EWSR1: variants seen among roughly 807,000 people sequenced by gnomAD.
EWSR1 encodes EWS RNA binding protein 1.
A neutral mutation model predicts 92.1 loss-of-function variants in EWSR1; 14 were observed. That is an observed-to-expected ratio of 0.15 (90% confidence interval 0.10 to 0.24). The LOEUF (loss-of-function observed/expected upper bound fraction) is 0.24. Among genes scored for constraint, EWSR1 ranks in the 10% least tolerant of loss-of-function variants. EWSR1 has a pLI of 1.00. For synonymous variants in EWSR1, 303 were observed against 292.9 expected, an observed-to-expected ratio of 1.03 and a Z score of -0.35; for missense variants, 637 against 870.9, an observed-to-expected ratio of 0.73 and a Z score of 3.38.
At chr22:29,275,585 TGTGAACAAAACTTA>T (rs1212651982) in intron 4 of EWSR1, 4 of 228,564 alleles carry the variant, frequency 1.8e-5, no homozygotes, top group African/African-American at 8.9e-5. Context: ...GAGCAAACTG[TGTGAACAAAACTTA>T]GCAGGAGCCT....
intron 16 of EWSR1, 82 bp from the exon 17 acceptor site, chr22:29,300,030 ATTGGGAGGAG>A: frequency 7.0e-6 from 3 of 429,388 alleles, no homozygotes; most frequent in East Asian, 2.1e-4. Flanking sequence ...ATTCTAACCG[ATTGGGAGGAG>A]CCAGGAAGGG....
At chr22:29,277,962 CT>C in intron 4 of EWSR1, 67 bp from the exon 5 acceptor site, 1 of 1,392,468 alleles carries the variant, frequency 7.2e-7, no homozygotes, top group South Asian at 1.3e-5. Flanking sequence ...ACAAATTGTT[CT>C]GATAATGAGT....
chr22:29,275,833 G>A (rs1468907648), intron 4 of EWSR1: 1 of 231,260 alleles, frequency 4.3e-6, no homozygotes, highest in Non-Finnish European at 8.5e-6. Context: ...CAAAAGTTTT[G>A]GTTTGTGTAA....
At chr22:29,293,921 C>T (rs377039606) in intron 11 of EWSR1, among the ~76,000 whole-genome samples, 7 of 151,860 alleles carry the variant, frequency 4.6e-5, no homozygotes, top group African/African-American at 7.3e-5. Context: ...CTCCTTCACC[C>T]GGCTGGATTG....
chr22:29,298,199 A>G (rs755312887), intron 13 of EWSR1, among the ~76,000 whole-genome samples: 7 of 152,312 alleles, frequency 4.6e-5, no homozygotes, highest in Non-Finnish European at 8.8e-5. Context: ...AGACATGCCT[A>G]TTCCTTACAG....
chr22:29,288,418 C>G (rs1372505523), intron 7 of EWSR1, among the ~76,000 whole-genome samples, 188 bp from the exon 8 acceptor site: 1 of 152,156 alleles, frequency 6.6e-6, no homozygotes, highest in Non-Finnish European at 1.5e-5. Flanking sequence ...GTTATTTCAG[C>G]TGTGATGATC....
intron 11 of EWSR1, chr22:29,295,909 G>A (rs1336698201): frequency 3.4e-6 from 1 of 296,648 alleles, no homozygotes; most frequent in African/African-American, 2.1e-5. Context: ...ATCAAAGTCT[G>A]ACTACCCCTA....
intron 1 of EWSR1, among the ~76,000 whole-genome samples, chr22:29,271,066 G>C (rs1208889149): frequency 6.6e-6 from 1 of 152,194 alleles, no homozygotes; most frequent in Non-Finnish European, 1.5e-5. Context: ...CCGAGGGATT[G>C]TGAGGCTGGC....
In EWSR1 at chr22:29,296,247, G is replaced by A; in HGVS notation, c.1173G>A (p.Lys391=). The part of the protein sequence containing the change: ...FKQCGVVKMN[K]RTGQPMIHIY... ...TGCTATTCTTTGTCTAGATGAACAA[G>A]AGAACTGGGCAACCCATGATCCACA... Residue 391 remains lysine (K), a synonymous_variant, in exon 12 of 17, where the codon AAG becomes AAA. Transcript: ENST00000397938. 6.2e-7 allele frequency: 1 copy of A among 1,614,004 alleles called. No homozygotes were observed.
intron 5 of EWSR1, among the ~76,000 whole-genome samples, chr22:29,280,200 T>C (rs988017146): frequency 2.0e-5 from 3 of 152,124 alleles, no homozygotes; most frequent in African/African-American, 7.2e-5. Context: ...CCCGAGTAGC[T>C]GGGACTACGG....
chr22:29,271,089 G>A (rs1331645514), intron 1 of EWSR1, among the ~76,000 whole-genome samples: 1 of 152,214 alleles, frequency 6.6e-6, no homozygotes, highest in Admixed American at 6.5e-5. Flanking sequence ...TGGATTCCAT[G>A]AAGTGGATGC....
rs138936906 is a variant in EWSR1, at chr22:29,275,593, A to G, written c.226+1729A>G. ...GCCTGATGAGCAAACTGTGTGAACA[A>G]AACTTAGCAGGAGCCTAATTGGTAG... On this transcript the variant is annotated intron_variant, in intron 4 of 16. Transcript: ENST00000397938. 4.9e-4 allele frequency: 113 copies of G among 229,088 alleles called. No individual in the cohort carries two copies. In the East Asian group the frequency reaches 6.0e-3, roughly 12 times the overall value. 14.2% of individuals were successfully genotyped at this position (229,088 alleles called of 1,614,324 possible). A position where few individuals can be genotyped will look rare whatever the true frequency, so the allele number is the denominator to read the frequency against.
intron 8 of EWSR1, chr22:29,290,995 G>A (rs1181759807): frequency 8.4e-6 from 2 of 236,928 alleles, no homozygotes; most frequent in African/African-American, 4.4e-5. Flanking sequence ...CTTTCACAGC[G>A]ATTGTTAAAT....
intron 6 of EWSR1, among the ~76,000 whole-genome samples, chr22:29,285,249 G>A (rs867354162): frequency 1.3e-5 from 2 of 148,692 alleles, no homozygotes; most frequent in Admixed American, 6.7e-5. Context: ...GCAGCCTCTC[G>A]AGTAGCTGGG....
At chr22:29,286,061 G>C (rs1026555992) in intron 6 of EWSR1, among the ~76,000 whole-genome samples, 3 of 152,030 alleles carry the variant, frequency 2.0e-5, no homozygotes, top group South Asian at 2.1e-4. Context: ...GGATGGTCTC[G>C]ATCTCTTGAC....
chr22:29,275,735 AT>A (rs1462553870), intron 4 of EWSR1: 1 of 228,884 alleles, frequency 4.4e-6, no homozygotes, highest in Non-Finnish European at 8.7e-6. Context: ...CTCTTCTAGG[AT>A]TTTTAAAAAT....
intron 11 of EWSR1, among the ~76,000 whole-genome samples, chr22:29,294,012 G>T (rs1420525961): frequency 6.6e-6 from 1 of 151,774 alleles, no homozygotes; most frequent in African/African-American, 2.4e-5. Context: ...GGAATTACAG[G>T]CGCCTGCCAG....
chr22:29,270,461 C>G (rs184585321), intron 1 of EWSR1, among the ~76,000 whole-genome samples: 183 of 152,180 alleles, frequency 1.2e-3, no homozygotes, highest in African/African-American at 4.1e-3. Context: ...TTTGCATCAA[C>G]CTAATAGCTT....
intron 16 of EWSR1, 31 bp downstream of exon 16, chr22:29,299,882 G>T (rs200299355): frequency 6.5e-7 from 1 of 1,529,344 alleles, no homozygotes; most frequent in Non-Finnish European, 8.8e-7. Context: ...GCTGTGGGCC[G>T]CCAGGCACAG....
Sources: gnomAD v4.1 joint callset for allele counts (sites outside exome capture counted in the v4.1 genomes callset) on GRCh38, gnomAD v4.1.1 for gene constraint, MANE v1.5 for transcripts, NCBI Gene and HGNC (gene_info 2026-07-23, HGNC 2026-07-21) for gene names.